Variants in FAAP20 observed in about 807,000 individuals in gnomAD.
FAAP20 encodes the protein FA core complex associated protein 20, also known as Fanconi anemia core complex-associated protein 20.
A neutral mutation model predicts 16.2 loss-of-function variants in FAAP20; 12 were observed. That is an observed-to-expected ratio of 0.74 (90% CI 0.48 to 1.20). The LOEUF (loss-of-function observed/expected upper bound fraction) is 1.20, where lower values mean the gene tolerates loss of function less well. Ranked by LOEUF, FAAP20 falls within the 50% of genes most tolerant of loss-of-function variation. The pLI, the probability that FAAP20 is intolerant of heterozygous loss-of-function variation, is 0.00. For synonymous variants in FAAP20, 141 were observed against 110.7 expected (o/e 1.27, Z -1.72); for missense variants, 288 against 245.8 (o/e 1.17, Z -1.15).
At chr1:2,185,437 C>T (rs1386237573), downstream of FAAP20, 7 of 718,760 alleles carry the variant, frequency 9.7e-6, no homozygotes, top group Admixed American at 1.0e-4. Context: ...GCCTGCCCCA[C>T]ATCTCAGACG....
downstream of FAAP20, among the ~76,000 whole-genome samples, chr1:2,211,691 C>T (rs1285938409): frequency 6.6e-5 from 10 of 150,946 alleles, no homozygotes; most frequent in Admixed American, 4.6e-4. Flanking sequence ...CCTTGTGATC[C>T]GCCTGCCTCG....
chr1:2,191,868 C>A (rs537489331), intron 3 of FAAP20: 1 of 985,510 alleles, frequency 1.0e-6, no homozygotes. Flanking sequence ...CCACGTGACC[C>A]GCAGGTGTCT....
exon 3 of FAAP20, chr1:2,206,390 C>T (rs899179067): frequency 6.6e-6 from 1 of 152,260 alleles, no homozygotes; most frequent in African/African-American, 2.4e-5. Flanking sequence ...GATTGATGGG[C>T]TCATGGATTG....
downstream of FAAP20, among the ~76,000 whole-genome samples, chr1:2,211,775 G>A (rs1181779532): frequency 2.0e-5 from 3 of 148,994 alleles, no homozygotes; most frequent in Non-Finnish European, 4.4e-5. Context: ...ATTAGAGACG[G>A]GGTTTCATCA....
chr1:2,207,842 C>A (rs561957126), downstream of FAAP20: 5 of 152,212 alleles, frequency 3.3e-5, no homozygotes, highest in Non-Finnish European at 7.3e-5. Context: ...CCTGCTCCAG[C>A]GTCATGGACT....
At chr1:2,190,187 A>T (rs1431396515) in intron 3 of FAAP20, 1 of 471,792 alleles carries the variant, frequency 2.1e-6, no homozygotes, top group East Asian at 6.4e-5. Context: ...TACAGGAGGC[A>T]GAAGAGTAAA....
At chr1:2,184,791 T>G, downstream of FAAP20, 3 of 1,408,208 alleles carry the variant, frequency 2.1e-6, no homozygotes, top group Non-Finnish European at 2.9e-6. Context: ...AGCCTGCCCT[T>G]GAGTCCCACC....
chr1:2,198,136 A>C (rs1307826556), upstream of FAAP20: 1 of 1,290,198 alleles, frequency 7.8e-7, no homozygotes, highest in East Asian at 5.6e-5. Flanking sequence ...GTGGTGACGG[A>C]GTTTTGCTTT....
chr1:2,192,826 C>T, intron 3 of FAAP20: 2 of 1,221,354 alleles, frequency 1.6e-6, no homozygotes, highest in Non-Finnish European at 2.2e-6. Flanking sequence ...TCTCAAACTC[C>T]TGGGCTCCAG....
upstream of FAAP20, among the ~76,000 whole-genome samples, chr1:2,195,643 G>C (rs1688785874): frequency 6.6e-6 from 1 of 152,176 alleles, no homozygotes; most frequent in African/African-American, 2.4e-5. Context: ...CCCTCACCTG[G>C]CCCCTCCCAG....
At chr1:2,187,142 C>G (rs373925766), downstream of FAAP20, 532 of 469,892 alleles carry the variant, frequency 1.1e-3, 4 homozygotes, top group African/African-American at 9.6e-3. Context: ...CTGGCCGGCT[C>G]TCCTGTGGAT....
intron 3 of FAAP20, among the ~76,000 whole-genome samples, chr1:2,205,608 T>C (rs954201873): frequency 3.3e-5 from 5 of 152,072 alleles, no homozygotes; most frequent in African/African-American, 9.6e-5. Flanking sequence ...TGAAACGAGT[T>C]TCCAGCGTCG....
At chr1:2,190,318 C>A (rs1363586552) in intron 3 of FAAP20, 3 of 456,258 alleles carry the variant, frequency 6.6e-6, no homozygotes, top group Non-Finnish European at 1.3e-5. Flanking sequence ...ACCTGCCACT[C>A]TGGGAGGCCC....
intron 3 of FAAP20, chr1:2,191,718 G>A (rs1025182336): frequency 1.3e-5 from 7 of 548,634 alleles, no homozygotes; most frequent in Non-Finnish European, 1.6e-5. Context: ...TCCAGCCTGG[G>A]CGACAGAGCG....
chr1:2,193,862 TG>T lies in FAAP20; in HGVS notation c.246del (p.Lys83ArgfsTer76). 3 of 1,612,324 alleles carry T rather than the reference TG, an allele frequency of 1.9e-6. No homozygotes were observed. The highest frequency in any genetic ancestry group is 2.5e-6 in the Non-Finnish European group (3 of 1,179,794). On this transcript the variant is annotated frameshift_variant, in exon 3 of 4. Transcript: ENST00000378546. LOFTEE classifies it high-confidence loss of function. The stretch of plus-strand genomic sequence containing the variant: ...GGAAAGGGTGTCCAGGAAAAGGTCT[TG>T]GGTCCGACAGTGAAGACTTCAGTGG... ...PEPTEVFTVG[P>X]KTFSWTPFPP...
At chr1:2,194,778 C>G (rs1005029415), upstream of FAAP20, 525 of 1,166,420 alleles carry the variant, frequency 4.5e-4, 2 homozygotes, top group African/African-American at 7.8e-3. Context: ...GAAGTGAGCG[C>G]AAGCCCCGCC....
intron 3 of FAAP20, chr1:2,190,280 G>A (rs772122504): frequency 4.4e-5 from 20 of 456,564 alleles, no homozygotes; most frequent in Non-Finnish European, 7.9e-5. Flanking sequence ...CACGGAGAAG[G>A]ACGCCGTCAC....
chr1:2,194,802 G>GCCCCGC (rs1171191787), upstream of FAAP20: 26 of 1,024,792 alleles, frequency 2.5e-5, no homozygotes, highest in Admixed American at 2.7e-4. Flanking sequence ...GCCCCTCCAG[G>GCCCCGC]CCCCGCCCCC....
At chr1:2,192,397 C>T in intron 3 of FAAP20, 2 of 994,082 alleles carry the variant, frequency 2.0e-6, no homozygotes, top group Non-Finnish European at 2.4e-6. Flanking sequence ...AAAATTGAGG[C>T]AGTCTGCCAA....
Sources: gnomAD v4.1 joint callset for allele counts (sites outside exome capture counted in the v4.1 genomes callset) on GRCh38, gnomAD v4.1.1 for gene constraint, MANE v1.5 for transcripts, NCBI Gene and HGNC (gene_info 2026-07-23, HGNC 2026-07-21) for gene names.